CORO7: variants seen among roughly 807,000 people sequenced by gnomAD.
CORO7 encodes the protein coronin 7.
In CORO7, 107 loss-of-function variants were observed where a neutral mutation model predicts 126.6. The observed-to-expected ratio is 0.85, with a 90% confidence interval of 0.72 to 0.99. The LOEUF (loss-of-function observed/expected upper bound fraction) is 0.99, where lower values mean the gene tolerates loss of function less well. Among genes scored for constraint, CORO7 ranks in the 50% least tolerant of loss-of-function variants. CORO7 has a pLI of 0.00. For missense variants in CORO7, 1,314 were observed against 1,255.8 expected (o/e 1.05, Z -0.70); for synonymous variants, 603 against 536.8 (o/e 1.12, Z -1.70).
Position 4,407,573 on chromosome 16 carries a change from C to T in CORO7, c.415G>A (p.Asp139Asn). The T allele has an allele frequency of 6.3e-7, 1 of 1,588,750 alleles. No individual in the cohort carries two copies. The highest frequency in any genetic ancestry group is 1.1e-5 in the South Asian group (1 of 87,590). The change falls in exon 5 of 28, where the codon GAC becomes AAC. Residue 139 changes from aspartate (D) to asparagine (N), a missense_variant. Coordinates refer to ENST00000251166, the MANE Select transcript of CORO7 (RefSeq NM_024535.5). ...CCTGCTGCGCTCACCAGAATGCCGT[C>T]AGAGGTGGGGTGGAACTGCAGTACC... ...VEVLQFHPTS[D>N]GILVSAAGTT...
intron 6 of CORO7, among the ~76,000 whole-genome samples, chr16:4,397,674 C>T (rs978777683): frequency 6.6e-6 from 1 of 151,920 alleles, no homozygotes; most frequent in African/African-American, 2.4e-5. Flanking sequence ...AGTGCAGTGG[C>T]GCGATCTCGG....
intron 6 of CORO7, among the ~76,000 whole-genome samples, chr16:4,400,129 T>C (rs1287189327): frequency 6.6e-6 from 1 of 152,192 alleles, no homozygotes; most frequent in Non-Finnish European, 1.5e-5. Context: ...GGTTACATTA[T>C]GTCATGCATT....
rs201357536 is a variant in CORO7 at position 4,382,150 on chromosome 16, C to T, written c.785+5836G>A. ...TGGGGGCACATGCCACCTGGGGACA[C>T]GGCACCACCTGGCGTGCTTGTGCCC... is the stretch of plus-strand genomic sequence containing the variant. On this transcript the variant is annotated intron_variant, in intron 9 of 27. Transcript: ENST00000251166. 489 of 1,591,732 alleles carry T rather than the reference C, an allele frequency of 3.1e-4. 1 individual carries two copies. Among genetic ancestry groups the T allele is most frequent in the Non-Finnish European group, 4.0e-4 (464 of 1,170,272 alleles).
At chr16:4,401,159 C>A (rs897455896) in intron 6 of CORO7, among the ~76,000 whole-genome samples, 5 of 152,196 alleles carry the variant, frequency 3.3e-5, no homozygotes, top group Non-Finnish European at 7.3e-5. Context: ...GAACTTAGAC[C>A]TGGTCATGGA....
chr16:4,357,924 A>G lies in CORO7; in HGVS notation c.2593+44T>C, dbSNP rs1224017223. The G allele has an allele frequency of 2.5e-6, 4 of 1,568,934 alleles. No homozygotes were observed. In the African/African-American group the frequency reaches 5.4e-5, roughly 21 times the overall value. On this transcript the variant is annotated intron_variant, in intron 25 of 27. Coordinates refer to ENST00000251166, the MANE Select transcript of CORO7 (RefSeq NM_024535.5). ...ACCTGGGCCTTCTGTCCCTTTCTCC[A>G]ACCCCCATCCCGCTTCCTCCCCACA...
At chr16:4,376,433 C>T (rs1231565590) in intron 9 of CORO7, among the ~76,000 whole-genome samples, 3 of 152,190 alleles carry the variant, frequency 2.0e-5, no homozygotes, top group African/African-American at 4.8e-5. Context: ...AGACCTGCAG[C>T]GCCTGTCCTG....
At chr16:4,396,774 G>T (rs2055607205) in intron 6 of CORO7, among the ~76,000 whole-genome samples, 1 of 152,012 alleles carries the variant, frequency 6.6e-6, no homozygotes, top group South Asian at 2.1e-4. Context: ...CCAGCACTTT[G>T]CGAGGCTGAG....
At chr16:4,364,441 G>A (rs1201605395) in intron 13 of CORO7, 28 bp from the exon 14 acceptor site, 2 of 1,487,068 alleles carry the variant, frequency 1.3e-6, no homozygotes, top group Non-Finnish European at 1.8e-6. Flanking sequence ...GTGGGGAGAT[G>A]GGGGCATGGG....
chr16:4,361,309 C>T (rs981511278), intron 17 of CORO7, 52 bp downstream of exon 17: 3 of 1,610,152 alleles, frequency 1.9e-6, no homozygotes, highest in Admixed American at 1.7e-5. Context: ...CTCCCCAGCC[C>T]CTATCCGGGA....
chr16:4,357,061 A>T, intron 26 of CORO7, 107 bp downstream of exon 26: 1 of 1,410,912 alleles, frequency 7.1e-7, no homozygotes, highest in Non-Finnish European at 9.8e-7. Context: ...GGGACGTGAC[A>T]TGTGGCTGCT....
intron 7 of CORO7, among the ~76,000 whole-genome samples, chr16:4,394,748 G>A (rs1041095311): frequency 2.6e-5 from 4 of 152,242 alleles, no homozygotes; most frequent in African/African-American, 9.6e-5. Context: ...GGTCTCTGTA[G>A]GGCAAATGAA....
intron 3 of CORO7, among the ~76,000 whole-genome samples, chr16:4,408,798 A>C (rs1257167093): frequency 6.6e-6 from 1 of 152,192 alleles, no homozygotes; most frequent in Non-Finnish European, 1.5e-5. Context: ...CCCCGTCTCT[A>C]CAAAAAATAT....
At chr16:4,361,664 G>A in intron 16 of CORO7, 195 bp from the exon 17 acceptor site, 2 of 810,098 alleles carry the variant, frequency 2.5e-6, no homozygotes, top group South Asian at 1.5e-5. Flanking sequence ...CCCAGAGAGT[G>A]AGGGGGCAGC....
At chr16:4,365,417 C>T (rs2054317554) in intron 10 of CORO7, 74 bp downstream of exon 10, 1 of 1,542,696 alleles carries the variant, frequency 6.5e-7, no homozygotes, top group Non-Finnish European at 8.8e-7. Context: ...TCGAGTTCCT[C>T]CTCTCTCTTG....
chr16:4,415,232 G>A (rs2141343310), intron 1 of CORO7, among the ~76,000 whole-genome samples: 1 of 152,148 alleles, frequency 6.6e-6, no homozygotes, highest in South Asian at 2.1e-4. Flanking sequence ...GGGTTCTGCA[G>A]GACCACTCTG....
intron 6 of CORO7, among the ~76,000 whole-genome samples, chr16:4,403,659 G>A (rs970098093): frequency 6.6e-6 from 1 of 152,180 alleles, no homozygotes; most frequent in South Asian, 2.1e-4. Context: ...GGAGAAGAGT[G>A]GCCAAGCCGG....
At chr16:4,383,971 C>A (rs1443753181) in intron 9 of CORO7, among the ~76,000 whole-genome samples, 5 of 152,226 alleles carry the variant, frequency 3.3e-5, no homozygotes, top group African/African-American at 1.2e-4. Context: ...TCTACAGCGT[C>A]CCGGGAGAGC....
intron 9 of CORO7, chr16:4,381,717 T>C (rs1353402364): frequency 1.2e-6 from 2 of 1,606,974 alleles, no homozygotes; most frequent in Non-Finnish European, 1.7e-6. Flanking sequence ...AGGCCCTGCC[T>C]GGCGACCTCT....
intron 6 of CORO7, among the ~76,000 whole-genome samples, chr16:4,401,078 T>C (rs1266502775): frequency 2.0e-5 from 3 of 152,212 alleles, no homozygotes; most frequent in African/African-American, 7.2e-5. Context: ...GTAGCCTCCC[T>C]GCTACTACCA....
Sources: allele counts gnomAD v4.1 joint callset (sites outside exome capture counted in the v4.1 genomes callset), GRCh38; gene constraint gnomAD v4.1.1; transcripts MANE v1.5; gene names NCBI Gene and HGNC (gene_info 2026-07-23, HGNC 2026-07-21).